Variants in CCDC7 observed in about 807,000 individuals in gnomAD.
CCDC7 encodes the protein coiled-coil domain containing 7.
In CCDC7, 183 loss-of-function variants were observed where a neutral mutation model predicts 196.9. The ratio of observed to expected loss-of-function variants is 0.93; its 90% CI spans 0.82 to 1.05. The LOEUF (loss-of-function observed/expected upper bound fraction) is 1.05. Among genes scored for constraint, CCDC7 ranks in the 50% least tolerant of loss-of-function variants. The probability of loss-of-function intolerance (pLI) is 0.00; values close to 1 mark genes in which losing one functional copy is unlikely to be tolerated. For synonymous variants in CCDC7, 525 were observed against 484.6 expected (o/e 1.08, Z -1.10); for missense variants, 1,540 against 1,482.2 (o/e 1.04, Z -0.64).
At chr10:32,704,264 C>G (rs550537794) in intron 24 of CCDC7, among the ~76,000 whole-genome samples, 2 of 152,206 alleles carry the variant, frequency 1.3e-5, no homozygotes, top group East Asian at 3.9e-4. Context: ...TGGAGTTTGC[C>G]GGAGGTCCAC....
intron 13 of CCDC7, among the ~76,000 whole-genome samples, chr10:32,546,546 C>T (rs966984823): frequency 3.3e-5 from 5 of 152,002 alleles, no homozygotes; most frequent in Admixed American, 1.3e-4. Flanking sequence ...TATGTGCAAG[C>T]GTACAAGTAT....
At position 32,566,731 on chromosome 10, in the gene CCDC7, G is replaced by A. The variant is rs532043677; in HGVS notation, c.1198-939G>A. 4.0e-5 allele frequency among the ~76,000 whole-genome samples: 6 copies of A among 151,714 alleles called. No homozygotes were observed. The South Asian group carries it at 6.2e-4, about 16-fold the overall frequency. On this transcript the variant is annotated intron_variant, in intron 14 of 41. Transcript: ENST00000639629. The stretch of plus-strand genomic sequence containing the variant: ...ATTTGCGAACAGCCTGGGCAACATA[G>A]TGAAACCCTGTCTCTATTAAAAATA...
chr10:32,847,900 AC>A lies in CCDC7; in HGVS notation c.3757del (p.Leu1253Ter). On this transcript the variant is annotated frameshift_variant, in exon 38 of 42. Coordinates refer to ENST00000639629, the Ensembl canonical transcript of CCDC7. LOFTEE classifies it high-confidence loss of function. ...AAACAATTGGTGAGATAAAGACACA[AC>A]TAAGGACTCACTATGGTAAGAATAA... 1 of 1,604,336 alleles carries A rather than the reference AC, an allele frequency of 6.2e-7. No individual in the cohort carries two copies.
chr10:32,663,582 A>C (rs2071984349), intron 20 of CCDC7, among the ~76,000 whole-genome samples: 1 of 152,170 alleles, frequency 6.6e-6, no homozygotes, highest in Non-Finnish European at 1.5e-5. Context: ...TCTTTTTATT[A>C]CTTTTAGAGC....
intron 21 of CCDC7, among the ~76,000 whole-genome samples, chr10:32,668,820 A>G (rs2073410029): frequency 6.6e-6 from 1 of 151,904 alleles, no homozygotes. Flanking sequence ...AGAGTTTTCT[A>G]TATATTGGTT....
At chr10:32,508,022 T>A (rs1010986697) in intron 9 of CCDC7, among the ~76,000 whole-genome samples, 4 of 152,174 alleles carry the variant, frequency 2.6e-5, no homozygotes, top group African/African-American at 9.7e-5. Context: ...TCAAATGCAG[T>A]AGCCAAGCAA....
At chr10:32,586,539 G>GTTAA (rs2059298502) in intron 18 of CCDC7, among the ~76,000 whole-genome samples, 2 of 152,186 alleles carry the variant, frequency 1.3e-5, no homozygotes, top group South Asian at 4.2e-4. Flanking sequence ...TCCATCTCGA[G>GTTAA]TTAATTTTTG....
intron 28 of CCDC7, among the ~76,000 whole-genome samples, chr10:32,777,913 T>C (rs7911291): frequency 0.14 from 21,864 of 152,188 alleles, 1,911 homozygotes; most frequent in African/African-American, 0.25. Flanking sequence ...TATCTCATTG[T>C]GGTTTTAAAT....
intron 29 of CCDC7, among the ~76,000 whole-genome samples, chr10:32,793,828 A>C (rs901891871): frequency 6.6e-6 from 1 of 152,232 alleles, no homozygotes; most frequent in Non-Finnish European, 1.5e-5. Context: ...TTTGTGGTAT[A>C]ACTATGATCT....
In CCDC7 at chr10:32,634,380, A is replaced by T; in HGVS notation, c.1912+16A>T. ...AGACATGAGGGTAAGTATAATAATT[A>T]TACATATCTTTACACTATTTTATTT... On this transcript the variant is annotated intron_variant, in intron 19 of 41. Transcript: ENST00000639629. 1 of 996,308 alleles carries T rather than the reference A, an allele frequency of 1.0e-6. No individual in the cohort carries two copies. Among genetic ancestry groups the T allele is most frequent in the East Asian group, 3.3e-5 (1 of 30,422 alleles). The allele number at this position is 996,308 out of a possible 1,614,324, so 61.7% of individuals were successfully genotyped here. A position where few individuals can be genotyped will look rare whatever the true frequency, so the allele number is the denominator to read the frequency against.
At chr10:32,661,635 A>G (rs536952163) in intron 20 of CCDC7, among the ~76,000 whole-genome samples, 1 of 152,210 alleles carries the variant, frequency 6.6e-6, no homozygotes, top group African/African-American at 2.4e-5. Flanking sequence ...GAAGGTGGCA[A>G]GTTCCCTTTT....
chr10:32,719,360 A>G (rs2082070631), intron 25 of CCDC7, among the ~76,000 whole-genome samples: 1 of 152,176 alleles, frequency 6.6e-6, no homozygotes, highest in Non-Finnish European at 1.5e-5. Flanking sequence ...CTTACATCTT[A>G]TACAAACATT....
intron 31 of CCDC7, among the ~76,000 whole-genome samples, chr10:32,815,133 A>G (rs2088122187): frequency 6.6e-6 from 1 of 152,170 alleles, no homozygotes. Context: ...CAATCAACAT[A>G]CAGATTTGCT....
chr10:32,555,587 C>A (rs577720585), intron 13 of CCDC7, among the ~76,000 whole-genome samples: 34 of 152,164 alleles, frequency 2.2e-4, no homozygotes, highest in African/African-American at 7.9e-4. Context: ...GTAAGGAAGT[C>A]ATAAGGCCAG....
intron 18 of CCDC7, among the ~76,000 whole-genome samples, chr10:32,632,524 A>T (rs1203867425): frequency 1.3e-5 from 2 of 151,654 alleles, no homozygotes; most frequent in East Asian, 3.9e-4. Context: ...TCTAGCTTAT[A>T]AGGTAGAAGT....
In CCDC7 at chr10:32,714,813, G is replaced by T. The variant is rs190812976; in HGVS notation, c.2569+3083G>T. Among the ~76,000 whole-genome samples, 1,202 of 152,210 alleles carry T rather than the reference G, an allele frequency of 7.9e-3. 6 individuals are homozygous for T. Among genetic ancestry groups the T allele is most frequent in the Middle Eastern group, 0.02 (6 of 294 alleles). On this transcript the variant is annotated intron_variant, in intron 25 of 41. Coordinates refer to ENST00000639629, the Ensembl canonical transcript of CCDC7. ...AATTCGGTGCAGAACCCACCACGGC[G>T]CAGCAAAGCCACTGTAACCAGGCTG... is the stretch of plus-strand genomic sequence containing the variant.
chr10:32,861,336 T>G (rs1226144939), intron 41 of CCDC7, among the ~76,000 whole-genome samples: 1 of 152,118 alleles, frequency 6.6e-6, no homozygotes, highest in East Asian at 1.9e-4. Context: ...ATTCCCTATT[T>G]AATAAATGGT....
chr10:32,689,774 G>A (rs2076868722), intron 23 of CCDC7, among the ~76,000 whole-genome samples: 1 of 151,162 alleles, frequency 6.6e-6, no homozygotes, highest in South Asian at 2.1e-4. Flanking sequence ...TCACTTTCTT[G>A]CCCAGACTGG....
At position 32,670,381 on chromosome 10, in the gene CCDC7, C is replaced by T. The variant is rs189586585; in HGVS notation, c.2122+6220C>T. ...GATTTCCTATACTTTTATTTACTTT[C>T]TTTTTTTTTTAAATTTATTATTATT... On this transcript the variant is annotated intron_variant, in intron 21 of 41. Coordinates refer to ENST00000639629, the Ensembl canonical transcript of CCDC7. 9.2e-5 allele frequency among the ~76,000 whole-genome samples: 13 copies of T among 141,408 alleles called. No individual in the cohort carries two copies. The East Asian group carries it at 1.2e-3, about 13-fold the overall frequency. The allele number at this position is 141,408 out of a possible 152,430, so 92.8% of individuals were successfully genotyped here.
Sources: allele counts gnomAD v4.1 joint callset (sites outside exome capture counted in the v4.1 genomes callset), GRCh38; gene constraint gnomAD v4.1.1; transcripts MANE v1.5; gene names NCBI Gene and HGNC (gene_info 2026-07-23, HGNC 2026-07-21).